CRYBG3: variants seen among roughly 807,000 people sequenced by gnomAD.
The protein encoded by CRYBG3 is very large A-kinase anchor protein.
CRYBG3 carries 127 observed loss-of-function variants against 244.2 expected under a neutral mutation model. That is an observed-to-expected ratio of 0.52 (90% CI 0.45 to 0.60). The LOEUF (loss-of-function observed/expected upper bound fraction) is 0.60. Ranked by LOEUF, CRYBG3 falls within the 20% of genes least tolerant of loss-of-function variation. The pLI, the probability that CRYBG3 is intolerant of heterozygous loss-of-function variation, is 0.00. For missense variants in CRYBG3, 3,325 were observed against 3,442.5 expected, an observed-to-expected ratio of 0.97 and a Z score of 0.85; for synonymous variants, 1,132 against 1,195.8, an observed-to-expected ratio of 0.95 and a Z score of 1.10.
chr3:97,921,810 C>G (rs1370475049), intron 17 of CRYBG3, among the ~76,000 whole-genome samples: 1 of 152,108 alleles, frequency 6.6e-6, no homozygotes, highest in Non-Finnish European at 1.5e-5. Context: ...AGCGCTGGAC[C>G]AGGAGTGTGT....
At chr3:97,931,765 C>T (rs2040099808) in intron 17 of CRYBG3, among the ~76,000 whole-genome samples, 1 of 152,048 alleles carries the variant, frequency 6.6e-6, no homozygotes, top group African/African-American at 2.4e-5. Flanking sequence ...ACTAGCATGT[C>T]TGTTTTATCA....
intron 2 of CRYBG3, among the ~76,000 whole-genome samples, chr3:97,846,475 G>C (rs1030811890): frequency 5.9e-5 from 9 of 152,104 alleles, no homozygotes; most frequent in African/African-American, 2.2e-4. Context: ...ATTTCCCTGT[G>C]GATGTTCCTT....
Position 97,915,606 on chromosome 3 carries a change from T to C in CRYBG3, c.8115-4T>C, listed in dbSNP as rs1183747993. On this transcript the variant is annotated splice_polypyrimidine_tract_variant and splice_region_variant and intron_variant, in intron 16 of 21. Transcript: ENST00000389622. ...GATTGAATGTCTTACTGCTTGGCTT[T>C]TAGCTGGCTCCTCTATTACCAAGAA... 2 of 1,608,530 alleles carry C rather than the reference T, an allele frequency of 1.2e-6. No individual in the cohort carries two copies. Among genetic ancestry groups the C allele is most frequent in the East Asian group, 2.2e-5 (1 of 44,786 alleles).
chr3:97,826,995 G>C (rs2038586332), intron 1 of CRYBG3, among the ~76,000 whole-genome samples: 1 of 152,224 alleles, frequency 6.6e-6, no homozygotes, highest in African/African-American at 2.4e-5. Flanking sequence ...GGTTTGGTTA[G>C]CTTCCTTTGC....
At chr3:97,912,924 AC>A (rs2039888568) in intron 16 of CRYBG3, among the ~76,000 whole-genome samples, 1 of 152,122 alleles carries the variant, frequency 6.6e-6, no homozygotes, top group Middle Eastern at 3.2e-3. Flanking sequence ...ACTATCTTTA[AC>A]TGTACAGTTC....
intron 7 of CRYBG3, among the ~76,000 whole-genome samples, chr3:97,884,362 T>A (rs759651367): frequency 4.3e-4 from 66 of 152,262 alleles, no homozygotes; most frequent in Non-Finnish European, 7.4e-4. Flanking sequence ...AGGTTTTTTT[T>A]AAAAGATATG....
At chr3:97,846,463 A>C (rs527651411) in intron 2 of CRYBG3, among the ~76,000 whole-genome samples, 14 of 152,306 alleles carry the variant, frequency 9.2e-5, no homozygotes, top group African/African-American at 3.1e-4. Context: ...AATGTTCCAG[A>C]CATTTCCCTG....
At chr3:97,935,100 T>G (rs968194342) in intron 18 of CRYBG3, among the ~76,000 whole-genome samples, 1 of 152,056 alleles carries the variant, frequency 6.6e-6, no homozygotes, top group Non-Finnish European at 1.5e-5. Flanking sequence ...TACTACTTAA[T>G]GTACAGCCAG....
At chr3:97,915,846 A>C in intron 17 of CRYBG3, 110 bp downstream of exon 17, 1 of 903,634 alleles carries the variant, frequency 1.1e-6, no homozygotes, top group South Asian at 2.5e-5. Context: ...AAATATAAAA[A>C]TCTGAAAAAT....
chr3:97,885,459 C>T (rs2039496960), intron 7 of CRYBG3, among the ~76,000 whole-genome samples: 1 of 152,016 alleles, frequency 6.6e-6, no homozygotes. Context: ...TGAGTTGTAT[C>T]GAGTTCTATC....
intron 1 of CRYBG3, among the ~76,000 whole-genome samples, chr3:97,835,220 C>G (rs2038715696): frequency 6.6e-6 from 1 of 152,060 alleles, no homozygotes. Context: ...CTAAATGTGT[C>G]TCTACTTACA....
chr3:97,873,079 A>G lies in CRYBG3; in HGVS notation c.1885A>G (p.Ser629Gly). 1 of 1,534,742 alleles carries G rather than the reference A, an allele frequency of 6.5e-7. No individual in the cohort carries two copies. The highest frequency in any genetic ancestry group is 8.7e-7 in the Non-Finnish European group (1 of 1,146,444). ...TTCAGAAACTCCTCTTGACTCTGAG[A>G]GTCCTCAACAAGCTGAAGTATCACC... ...HISETPLDSE[S>G]PQQAEVSPDA... The change falls in exon 4 of 22, where the codon AGT (serine) becomes GGT (glycine). Residue 629 changes from serine to glycine, a missense_variant. Around this residue, in one of 4 missense-constraint regions of CRYBG3, gnomAD observed 1,526 missense variants for 1,443.2 expected, o/e 1.06. Transcript: ENST00000389622.
chr3:97,824,683 C>T (rs1310669366), intron 1 of CRYBG3, among the ~76,000 whole-genome samples: 1 of 152,196 alleles, frequency 6.6e-6, no homozygotes, highest in Non-Finnish European at 1.5e-5. Flanking sequence ...TTAGCATCAA[C>T]ACTATTGTAT....
In CRYBG3 at chr3:97,872,074, G is replaced by A. The variant is rs1432341465; in HGVS notation, c.880G>A (p.Gly294Arg). ...LSASTDSSMKGNLLEGPLEDS... is the reference protein window; with the variant it reads ...LSASTDSSMKRNLLEGPLEDS... ...AGCTAGTACAGACTCATCTATGAAA[G>A]GAAATCTACTTGAAGGCCCATTAGA... The change falls in exon 4 of 22, where the codon GGA becomes AGA. Residue 294 changes from glycine to arginine, a missense_variant. Around this residue, in one of 4 missense-constraint regions of CRYBG3, gnomAD observed 1,526 missense variants for 1,443.2 expected, o/e 1.06. Transcript: ENST00000389622. The A allele has an allele frequency of 2.0e-6, 3 of 1,535,750 alleles. No individual in the cohort carries two copies. The highest frequency in any genetic ancestry group is 2.4e-5 in the South Asian group (2 of 84,018).
In CRYBG3 at chr3:97,876,068, A is replaced by G; in HGVS notation, c.4874A>G (p.Lys1625Arg). ...GGAATGGAAAAAGCTTATAAGATGA[A>G]GGATACTGAAGGGGATATTGGCAAA... ...ILGMEKAYKM[K>R]DTEGDIGKIE... Residue 1625 changes from lysine (K) to arginine (R), a missense_variant, in exon 4 of 22, where the codon AAG (lysine) becomes AGG (arginine). Lys to Arg is a conservative substitution (Grantham distance 26, BLOSUM62 2). Around this residue, in one of 4 missense-constraint regions of CRYBG3, gnomAD observed 635 missense variants for 771.7 expected, o/e 0.82. Transcript: ENST00000389622. 1 of 1,232,112 alleles carries G rather than the reference A, an allele frequency of 8.1e-7. No homozygotes were observed. The highest frequency in any genetic ancestry group is 1.0e-6 in the Non-Finnish European group (1 of 987,942). 76.3% of individuals were successfully genotyped at this position (1,232,112 alleles called of 1,614,324 possible). A position where few individuals can be genotyped will look rare whatever the true frequency, so the allele number is the denominator to read the frequency against.
rs200227709 is a variant in CRYBG3, at chr3:97,943,228, G to A, written c.8827G>A (p.Gly2943Arg). 8 of 1,542,646 alleles carry A rather than the reference G, an allele frequency of 5.2e-6. No individual in the cohort carries two copies. The South Asian group carries it at 7.0e-5, about 13-fold the overall frequency. Reference sequence around the variant, plus strand: ...TTCTTTTGGAATTTCTATTTTAGGAGGAAATTATTGTGACAAGACTCATGT... The same window carrying A: ...TTCTTTTGGAATTTCTATTTTAGGAAGAAATTATTGTGACAAGACTCATGT... ...SDQLVLDVKG[G>R]NYCDKTHVIV... The change falls in exon 22 of 22, where the codon GGA (glycine) becomes AGA (arginine). Residue 2943 changes from glycine to arginine, a missense_variant and splice_region_variant. Gly to Arg is a moderately radical substitution (Grantham distance 125). Transcript: ENST00000389622.
Position 97,914,951 on chromosome 3 carries a change from A to T in CRYBG3, c.8115-659A>T, listed in dbSNP as rs142317572. 5.9e-5 allele frequency among the ~76,000 whole-genome samples: 9 copies of T among 152,244 alleles called. 1 individual carries two copies. The highest frequency in any genetic ancestry group is 2.2e-4 in the African/African-American group (9 of 41,576). On this transcript the variant is annotated intron_variant, in intron 16 of 21. Transcript: ENST00000389622. Reference sequence around the variant, plus strand: ...CTTTTCAAAAGGCTGTGTTTAGCAAACTTTTGATGAATGCTGTATTGAAGA... The same window carrying T: ...CTTTTCAAAAGGCTGTGTTTAGCAATCTTTTGATGAATGCTGTATTGAAGA...
At position 97,843,255 on chromosome 3, in the gene CRYBG3, A is replaced by C. The variant is rs1268436649; in HGVS notation, c.210A>C (p.Ala70=). The C allele has an allele frequency of 6.8e-7, 1 of 1,463,954 alleles. No homozygotes were observed. 90.7% of individuals were successfully genotyped at this position (1,463,954 alleles called of 1,614,324 possible). A position where few individuals can be genotyped will look rare whatever the true frequency, so the allele number is the denominator to read the frequency against. Residue 70 remains alanine, a synonymous_variant, in exon 2 of 22, where the codon GCA becomes GCC. Transcript: ENST00000389622. ...QKKENVLSSE[A]VKIRQSEDKR... Reference sequence around the variant, plus strand: ...AGGAAAATGTACTTTCATCAGAAGCAGTAAAGGTATAGTTTTAAATTAATA... The same window carrying C: ...AGGAAAATGTACTTTCATCAGAAGCCGTAAAGGTATAGTTTTAAATTAATA...
At chr3:97,892,737 GA>G (rs2039594781) in intron 10 of CRYBG3, 122 bp from the exon 11 acceptor site, 2 of 532,566 alleles carry the variant, frequency 3.8e-6, no homozygotes, top group Non-Finnish European at 6.3e-6. Context: ...TGAACTTTTT[GA>G]AATCTCCTCA....
Sources: gnomAD v4.1 joint callset for allele counts (sites outside exome capture counted in the v4.1 genomes callset) on GRCh38, gnomAD v4.1.1 for gene constraint, gnomAD v4.1.1 regional missense constraint, MANE v1.5 for transcripts, NCBI Gene and HGNC (gene_info 2026-07-23, HGNC 2026-07-21) for gene names.